Variants in SLC30A8 observed in about 807,000 individuals in gnomAD.
The protein encoded by SLC30A8 is solute carrier family 30 member 8, also known as proton-coupled zinc antiporter SLC30A8.
A neutral mutation model predicts 36.9 loss-of-function variants in SLC30A8; 27 were observed. That is an observed-to-expected ratio of 0.73 (90% CI 0.54 to 1.01). The LOEUF is 1.01. Among genes scored for constraint, SLC30A8 ranks in the 50% least tolerant of loss-of-function variants. The pLI is 0.00. For missense variants in SLC30A8, 439 were observed against 452.0 expected, an observed-to-expected ratio of 0.97 and a Z score of 0.26; for synonymous variants, 164 against 172.4, an observed-to-expected ratio of 0.95 and a Z score of 0.38.
At chr8:117,001,069 G>A (rs1421389763) in intron 1 of SLC30A8, among the ~76,000 whole-genome samples, 2 of 152,076 alleles carry the variant, frequency 1.3e-5, no homozygotes, top group East Asian at 1.9e-4. Context: ...CTTACCTTCC[G>A]TGTATCAGGG....
intron 1 of SLC30A8, among the ~76,000 whole-genome samples, chr8:117,144,389 C>G (rs896747077): frequency 6.6e-6 from 1 of 152,106 alleles, no homozygotes; most frequent in Non-Finnish European, 1.5e-5. Flanking sequence ...AATGTATATT[C>G]CAAAGCCAGT....
chr8:117,094,153 ATCT>A (rs567265361), intron 2 of SLC30A8, among the ~76,000 whole-genome samples: 101 of 152,356 alleles, frequency 6.6e-4, no homozygotes, highest in African/African-American at 2.3e-3. Context: ...AGCTCTTCTC[ATCT>A]TCTCTCTCTT....
At chr8:117,109,443 T>G (rs1156398687) in intron 2 of SLC30A8, among the ~76,000 whole-genome samples, 1 of 152,160 alleles carries the variant, frequency 6.6e-6, no homozygotes, top group African/African-American at 2.4e-5. Flanking sequence ...AGTTCTTAAC[T>G]TCTAGCCCTT....
At chr8:117,034,634 T>C (rs1817155306) in intron 1 of SLC30A8, among the ~76,000 whole-genome samples, 1 of 152,242 alleles carries the variant, frequency 6.6e-6, no homozygotes. Context: ...TTCCAAGCTC[T>C]TGACTACTAC....
chr8:117,027,456 C>T (rs1586416627), intron 1 of SLC30A8, among the ~76,000 whole-genome samples: 1 of 152,142 alleles, frequency 6.6e-6, no homozygotes, highest in Non-Finnish European at 1.5e-5. Context: ...AAACCCAGGC[C>T]TCCCAATTAT....
chr8:117,140,974 T>C (rs1356810057), intron 1 of SLC30A8, among the ~76,000 whole-genome samples: 1 of 152,074 alleles, frequency 6.6e-6, no homozygotes, highest in Non-Finnish European at 1.5e-5. Context: ...GACTACCATA[T>C]GAACTTAAGA....
intron 1 of SLC30A8, among the ~76,000 whole-genome samples, chr8:116,992,941 T>C (rs1815694615): frequency 6.6e-6 from 1 of 151,456 alleles, no homozygotes; most frequent in African/African-American, 2.4e-5. Flanking sequence ...ATACAGAGCC[T>C]ACGCAGAGAA....
At chr8:116,984,011 C>T (rs1195539188) in intron 1 of SLC30A8, among the ~76,000 whole-genome samples, 1 of 152,144 alleles carries the variant, frequency 6.6e-6, no homozygotes, top group African/African-American at 2.4e-5. Flanking sequence ...CCCTTAACCT[C>T]TAGCCACCGC....
At chr8:117,151,882 T>G (rs1416307957) in intron 2 of SLC30A8, among the ~76,000 whole-genome samples, 1 of 152,206 alleles carries the variant, frequency 6.6e-6, no homozygotes, top group Non-Finnish European at 1.5e-5. Flanking sequence ...ATCATTCTGA[T>G]TTTTGCAGTG....
chr8:117,167,725 T>C (rs1277875718), intron 6 of SLC30A8, among the ~76,000 whole-genome samples: 2 of 151,330 alleles, frequency 1.3e-5, no homozygotes, highest in African/African-American at 2.5e-5. Flanking sequence ...ATGTAATTAC[T>C]ATAAACAATG....
intron 2 of SLC30A8, among the ~76,000 whole-genome samples, chr8:117,092,723 G>A (rs1165843895): frequency 2.6e-5 from 4 of 152,180 alleles, no homozygotes; most frequent in Non-Finnish European, 4.4e-5. Flanking sequence ...TGAGACCCTG[G>A]TACAAGCTGG....
intron 2 of SLC30A8, among the ~76,000 whole-genome samples, chr8:117,074,596 T>A (rs915059456): frequency 1.3e-5 from 2 of 152,086 alleles, no homozygotes; most frequent in Non-Finnish European, 2.9e-5. Flanking sequence ...AACCCCAGTC[T>A]CCCCCTTGAC....
At chr8:117,074,441 C>T (rs1018074325) in intron 2 of SLC30A8, among the ~76,000 whole-genome samples, 2 of 152,032 alleles carry the variant, frequency 1.3e-5, no homozygotes, top group Non-Finnish European at 2.9e-5. Flanking sequence ...ACTTGCTTAC[C>T]TTAGAGGGGA....
At chr8:116,983,882 G>A (rs1317757649) in intron 1 of SLC30A8, among the ~76,000 whole-genome samples, 1 of 152,094 alleles carries the variant, frequency 6.6e-6, no homozygotes, top group African/African-American at 2.4e-5. Flanking sequence ...GTGCAGTCCT[G>A]TGCAATTTTT....
At chr8:116,972,780 T>C (rs1262350289) in intron 1 of SLC30A8, among the ~76,000 whole-genome samples, 5 of 152,178 alleles carry the variant, frequency 3.3e-5, no homozygotes, top group African/African-American at 1.2e-4. Flanking sequence ...TTATATCTTC[T>C]TTTCTACTTA....
At chr8:116,977,141 C>CTTTTTTTTTTTTTTTTTTTTTTTTTTT (rs71305451) in intron 1 of SLC30A8, among the ~76,000 whole-genome samples, 17 of 59,096 alleles carry the variant, frequency 2.9e-4, no homozygotes, top group Non-Finnish European at 3.6e-4. Flanking sequence ...CTTTTTCTTG[C>CTTTTTTTTTTTTTTTTTTTTTTTTTTT]TTTTTTTTTT....
At chr8:117,149,006 A>G (rs1822035455) in intron 2 of SLC30A8, among the ~76,000 whole-genome samples, 1 of 152,192 alleles carries the variant, frequency 6.6e-6, no homozygotes, top group African/African-American at 2.4e-5. Flanking sequence ...TCTTGTGCAG[A>G]AAACATATTT....
At chr8:116,985,856 G>A (rs1815425995) in intron 1 of SLC30A8, among the ~76,000 whole-genome samples, 1 of 152,174 alleles carries the variant, frequency 6.6e-6, no homozygotes, top group African/African-American at 2.4e-5. Flanking sequence ...GCATGCATAT[G>A]TGTGTCGTAA....
At chr8:117,054,444 G>A (rs1817805816) in intron 2 of SLC30A8, among the ~76,000 whole-genome samples, 1 of 152,136 alleles carries the variant, frequency 6.6e-6, no homozygotes, top group Non-Finnish European at 1.5e-5. Flanking sequence ...TGTGAGGTTG[G>A]AACATCATTT....
Sources: allele counts gnomAD v4.1 joint callset (sites outside exome capture counted in the v4.1 genomes callset), GRCh38; gene constraint gnomAD v4.1.1; transcripts MANE v1.5; gene names NCBI Gene and HGNC (gene_info 2026-07-23, HGNC 2026-07-21).